Variants in IDH3A observed in about 807,000 individuals in gnomAD.
IDH3A encodes isocitrate dehydrogenase [NAD] subunit alpha, mitochondrial.
IDH3A carries 23 observed loss-of-function variants against 43.3 expected under a neutral mutation model. That is an observed-to-expected ratio of 0.53 (90% CI 0.38 to 0.75). The LOEUF (loss-of-function observed/expected upper bound fraction) is 0.75, where lower values mean the gene tolerates loss of function less well. Among genes scored for constraint, IDH3A ranks in the 30% least tolerant of loss-of-function variants. The probability of loss-of-function intolerance (pLI) is 0.00; values close to 1 mark genes in which losing one functional copy is unlikely to be tolerated. For missense variants in IDH3A, 329 were observed against 474.4 expected (o/e 0.69, Z 2.85); for synonymous variants, 154 against 163.5 (o/e 0.94, Z 0.44).
chr15:78,167,740 T>C, intron 10 of IDH3A: 1 of 152,210 alleles, frequency 6.6e-6, no homozygotes, highest in East Asian at 1.9e-4. Flanking sequence ...AGGTACCTCA[T>C]GTAAGTGGAA....
intron 9 of IDH3A, 117 bp from the exon 10 acceptor site, chr15:78,166,033 A>G: frequency 2.1e-6 from 2 of 947,458 alleles, no homozygotes; most frequent in Non-Finnish European, 3.3e-6. Flanking sequence ...TGCACGCAGT[A>G]GCTTTCAGTG....
At chr15:78,160,408 C>T (rs1213968308) in intron 4 of IDH3A, among the ~76,000 whole-genome samples, 1 of 152,184 alleles carries the variant, frequency 6.6e-6, no homozygotes, top group Non-Finnish European at 1.5e-5. Flanking sequence ...TAAAGTATTA[C>T]TGGATGATGC....
In IDH3A at chr15:78,171,539, A is replaced by AAAT; in HGVS notation, c.*2535_*2537dup. The stretch of plus-strand genomic sequence containing the variant: ...AGTTTCATCGTGGGACCTAAAAGGG[A>AAAT]AATGAGAAGAAATGAGTGAGGCCCA... On this transcript the variant is annotated 3_prime_UTR_variant, in exon 11 of 11. Coordinates refer to ENST00000299518, the MANE Select transcript of IDH3A (RefSeq NM_005530.3). 2 of 1,607,128 alleles carry AAAT rather than the reference A, an allele frequency of 1.2e-6. No homozygotes were observed. Among genetic ancestry groups the AAAT allele is most frequent in the Non-Finnish European group, 1.7e-6 (2 of 1,173,592 alleles).
In IDH3A at chr15:78,155,286, TTA is replaced by T. The variant is rs1567068802; in HGVS notation, c.90+13_90+14del. ...GGTTTTACTGGTGGTGTGAGTATAA[TTA>T]TGTCTTTTATTTTTTCCTTTTAGAA... On this transcript the variant is annotated intron_variant, in intron 2 of 10. Transcript: ENST00000299518. 6.9e-6 allele frequency: 11 copies of T among 1,590,798 alleles called. No homozygotes were observed. The highest frequency in any genetic ancestry group is 7.8e-6 in the Non-Finnish European group (9 of 1,160,984).
rs777073909 is a variant in IDH3A at position 78,163,792 on chromosome 15, T to C, written c.779+12T>C. 2 of 1,572,484 alleles carry C rather than the reference T, an allele frequency of 1.3e-6. No homozygotes were observed. Among genetic ancestry groups the C allele is most frequent in the Non-Finnish European group, 1.8e-6 (2 of 1,142,520 alleles). On this transcript the variant is annotated intron_variant, in intron 8 of 10. Coordinates refer to ENST00000299518, the MANE Select transcript of IDH3A (RefSeq NM_005530.3). ...GGAGACATCCTTAGGTGAGTCTGGCTGCAACCTATTTATTTTAGCCTATGA... is the reference window on the plus strand; with the variant it reads ...GGAGACATCCTTAGGTGAGTCTGGCCGCAACCTATTTATTTTAGCCTATGA...
chr15:78,169,625 T>C lies in IDH3A; in HGVS notation c.*620T>C, dbSNP rs1462727431. On this transcript the variant is annotated 3_prime_UTR_variant, in exon 11 of 11. Transcript: ENST00000299518. ...TCCAAGAAATATATAATGAGAGATA[T>C]AATTTTTGTTAATAAGACAAAGGTA... 6.6e-6 allele frequency: 1 copy of C among 152,232 alleles called. No individual in the cohort carries two copies. Among genetic ancestry groups the C allele is most frequent in the African/African-American group, 2.4e-5 (1 of 41,456 alleles). 9.4% of individuals were successfully genotyped at this position (152,232 alleles called of 1,614,324 possible).
intron 9 of IDH3A, among the ~76,000 whole-genome samples, chr15:78,165,900 G>A (rs1380189950): frequency 1.3e-5 from 2 of 152,114 alleles, no homozygotes; most frequent in African/African-American, 4.8e-5. Flanking sequence ...TGTTGCCCAG[G>A]CTGGTCTTGA....
chr15:78,167,824 A>T (rs549954731), intron 10 of IDH3A: 1 of 152,324 alleles, frequency 6.6e-6, no homozygotes, highest in South Asian at 2.1e-4. Flanking sequence ...CCCTTCTTTT[A>T]AAAAAATTCT....
Position 78,149,411 on chromosome 15 carries a change from G to T in IDH3A, c.8G>T (p.Gly3Val), listed in dbSNP as rs566096249. The T allele has an allele frequency of 4.5e-6, 7 of 1,552,722 alleles. No individual in the cohort carries two copies. In the South Asian group the frequency reaches 5.9e-5, roughly 13 times the overall value. Residue 3 changes from glycine (G) to valine (V), a missense_variant, in exon 1 of 11, where the codon GGG becomes GTG. Physicochemically the swap from Gly to Val is moderately radical, Grantham distance 109. Transcript: ENST00000299518. ...GAGCCAGGAGGGGAAGCGATGGCTG[G>T]GCCCGCGTGGATCTCTAAGGTGAGC... MA[G>V]PAWISKVSRL...
chr15:78,170,064 G>C lies in IDH3A; in HGVS notation c.*1059G>C, dbSNP rs1266951895. 1 of 152,238 alleles carries C rather than the reference G, an allele frequency of 6.6e-6. No homozygotes were observed. Among genetic ancestry groups the C allele is most frequent in the Non-Finnish European group, 1.5e-5 (1 of 68,050 alleles). 9.4% of individuals were successfully genotyped at this position (152,238 alleles called of 1,614,324 possible). A position where few individuals can be genotyped will look rare whatever the true frequency, so the allele number is the denominator to read the frequency against. ...TACCAGTATAAGATGACATTCCAAA[G>C]ACTGGAGGCAACTCAGCCTGAGTTA... On this transcript the variant is annotated 3_prime_UTR_variant, in exon 11 of 11. Coordinates refer to ENST00000299518, the MANE Select transcript of IDH3A (RefSeq NM_005530.3).
intron 2 of IDH3A, 100 bp from the exon 3 acceptor site, chr15:78,157,448 G>A (rs2074633200): frequency 1.2e-6 from 1 of 822,070 alleles, no homozygotes; most frequent in South Asian, 1.8e-5. Context: ...GAATCTTCCT[G>A]AGACATCTCA....
Position 78,169,915 on chromosome 15 carries a change from C to A in IDH3A, c.*910C>A, listed in dbSNP as rs887554965. ...CAGGTAGTTCTGGGGGCGATACTGCCGAAAGGCCCGAACACATGTATTTTG... is the reference window on the plus strand; with the variant it reads ...CAGGTAGTTCTGGGGGCGATACTGCAGAAAGGCCCGAACACATGTATTTTG... On this transcript the variant is annotated 3_prime_UTR_variant, in exon 11 of 11. Coordinates refer to ENST00000299518, the MANE Select transcript of IDH3A (RefSeq NM_005530.3). 1 of 152,190 alleles carries A rather than the reference C, an allele frequency of 6.6e-6. No homozygotes were observed. The highest frequency in any genetic ancestry group is 1.5e-5 in the Non-Finnish European group (1 of 68,034). The allele number at this position is 152,190 out of a possible 1,614,324, so 9.4% of individuals were successfully genotyped here. A position where few individuals can be genotyped will look rare whatever the true frequency, so the allele number is the denominator to read the frequency against.
At chr15:78,151,796 G>GAT (rs141975807) in intron 1 of IDH3A, among the ~76,000 whole-genome samples, 18,288 of 148,958 alleles carry the variant, frequency 0.12, 1,565 homozygotes, top group African/African-American at 0.25. Flanking sequence ...AATGATGTGA[G>GAT]ATATATATAT....
At chr15:78,156,935 ACT>A (rs757184346) in intron 2 of IDH3A, 19 of 1,351,592 alleles carry the variant, frequency 1.4e-5, no homozygotes, top group Non-Finnish European at 1.7e-5. Context: ...TATGTAGATT[ACT>A]CTTAGATTTA....
intron 3 of IDH3A, among the ~76,000 whole-genome samples, chr15:78,157,953 G>C (rs916952444): frequency 1.3e-5 from 2 of 151,554 alleles, no homozygotes; most frequent in East Asian, 3.9e-4. Context: ...GTGAGCCACC[G>C]CACCTGGCTG....
chr15:78,169,999 C>G lies in IDH3A; in HGVS notation c.*994C>G, dbSNP rs755562201. 6.6e-6 allele frequency: 1 copy of G among 152,196 alleles called. No individual in the cohort carries two copies. Among genetic ancestry groups the G allele is most frequent in the African/African-American group, 2.4e-5 (1 of 41,454 alleles). 9.4% of individuals were successfully genotyped at this position (152,196 alleles called of 1,614,324 possible). A position where few individuals can be genotyped will look rare whatever the true frequency, so the allele number is the denominator to read the frequency against. ...TTGTATTTCAGCAACTGCCCCTTCTCCTATCCCAAAGCACCAATTACTGCC... is the reference window on the plus strand; with the variant it reads ...TTGTATTTCAGCAACTGCCCCTTCTGCTATCCCAAAGCACCAATTACTGCC... On this transcript the variant is annotated 3_prime_UTR_variant, in exon 11 of 11. Coordinates refer to ENST00000299518, the MANE Select transcript of IDH3A (RefSeq NM_005530.3).
At position 78,169,394 on chromosome 15, in the gene IDH3A, G is replaced by A. The variant is rs2074791669; in HGVS notation, c.*389G>A. 1 of 154,160 alleles carries A rather than the reference G, an allele frequency of 6.5e-6. No homozygotes were observed. The highest frequency in any genetic ancestry group is 2.4e-5 in the African/African-American group (1 of 41,498). 9.5% of individuals were successfully genotyped at this position (154,160 alleles called of 1,614,324 possible). ...TTTAAGAAAAACCTTATTTTCTTCG[G>A]TTTTTGAAAAACATAATGGAAATAA... is the stretch of plus-strand genomic sequence containing the variant. On this transcript the variant is annotated 3_prime_UTR_variant, in exon 11 of 11. Coordinates refer to ENST00000299518, the MANE Select transcript of IDH3A (RefSeq NM_005530.3).
intron 3 of IDH3A, among the ~76,000 whole-genome samples, chr15:78,158,429 G>T (rs1439792615): frequency 1.7e-5 from 2 of 116,704 alleles, no homozygotes; most frequent in East Asian, 4.7e-4. Flanking sequence ...ACATTCATAG[G>T]TTATGCAATA....
At position 78,169,135 on chromosome 15, in the gene IDH3A, C is replaced by T; in HGVS notation, c.*130C>T. 1.9e-6 allele frequency: 1 copy of T among 530,452 alleles called. No individual in the cohort carries two copies. The highest frequency in any genetic ancestry group is 3.3e-6 in the Non-Finnish European group (1 of 305,256). The allele number at this position is 530,452 out of a possible 1,614,324, so 32.9% of individuals were successfully genotyped here. ...AGTACATTTTTAGATCTGGCCTTTT[C>T]TTAACAAAATCTGTGCAAAAGATGC... On this transcript the variant is annotated 3_prime_UTR_variant, in exon 11 of 11. Coordinates refer to ENST00000299518, the MANE Select transcript of IDH3A (RefSeq NM_005530.3).
Sources: allele counts gnomAD v4.1 joint callset (sites outside exome capture counted in the v4.1 genomes callset), GRCh38; gene constraint gnomAD v4.1.1; transcripts MANE v1.5; gene names NCBI Gene and HGNC (gene_info 2026-07-23, HGNC 2026-07-21).